POPDC1: variants seen among roughly 807,000 people sequenced by gnomAD.
POPDC1 encodes the protein popeye domain-containing protein 1.
the POPDC1 span, among the ~76,000 whole-genome samples, chr6:105,119,522 T>C: frequency 6.6e-6 from 1 of 152,142 alleles, no homozygotes; most frequent in Non-Finnish European, 1.5e-5. Flanking sequence ...GGTGGGTGCA[T>C]AAATGGAAGG....
At chr6:105,105,216 T>C in the POPDC1 span, among the ~76,000 whole-genome samples, 4 of 152,168 alleles carry the variant, frequency 2.6e-5, no homozygotes, top group Admixed American at 6.5e-5. Context: ...CAACATTGCC[T>C]TGTTGCTCTT....
chr6:105,117,430 T>C, the POPDC1 span, among the ~76,000 whole-genome samples: 4 of 152,224 alleles, frequency 2.6e-5, no homozygotes, highest in Non-Finnish European at 5.9e-5. Flanking sequence ...ATTTCAAGGT[T>C]AGATCCAGGG....
the POPDC1 span, among the ~76,000 whole-genome samples, chr6:105,101,925 T>C: frequency 4.6e-5 from 7 of 152,356 alleles, no homozygotes; most frequent in Non-Finnish European, 7.3e-5. Context: ...ATCTACCATA[T>C]AATGGATACC....
At chr6:105,117,471 C>A in the POPDC1 span, among the ~76,000 whole-genome samples, 1 of 152,138 alleles carries the variant, frequency 6.6e-6, no homozygotes, top group Non-Finnish European at 1.5e-5. Flanking sequence ...CAGACATCCC[C>A]AAATTAGCTC....
the POPDC1 span, among the ~76,000 whole-genome samples, chr6:105,135,894 AG>A: frequency 1.3e-5 from 2 of 152,208 alleles, no homozygotes; most frequent in African/African-American, 4.8e-5. Flanking sequence ...GGAAAGAGAA[AG>A]GTTAGACTGC....
the POPDC1 span, chr6:105,116,824 T>C: frequency 6.2e-7 from 1 of 1,612,278 alleles, no homozygotes; most frequent in Non-Finnish European, 8.5e-7. Context: ...ATCTTTCTCT[T>C]GACCAGCATA....
the POPDC1 span, chr6:105,125,521 C>G: frequency 1.9e-6 from 3 of 1,614,128 alleles, no homozygotes; most frequent in Non-Finnish European, 2.5e-6. Context: ...TCTGGAGGCA[C>G]ACGGAGTGGT....
chr6:105,127,853 T>A, the POPDC1 span, among the ~76,000 whole-genome samples: 1 of 151,972 alleles, frequency 6.6e-6, no homozygotes. Context: ...CTCCGCCTCC[T>A]GGGTTCAAGC....
At chr6:105,116,167 C>T in the POPDC1 span, among the ~76,000 whole-genome samples, 3 of 152,066 alleles carry the variant, frequency 2.0e-5, no homozygotes, top group East Asian at 1.9e-4. Context: ...ATCACAGAAA[C>T]GACGTTTTTA....
chr6:105,122,728 G>A, the POPDC1 span, among the ~76,000 whole-genome samples: 7 of 152,244 alleles, frequency 4.6e-5, no homozygotes, highest in East Asian at 1.4e-3. Context: ...AAGAAGATGC[G>A]GCCCTGCACG....
chr6:105,124,705 G>T, the POPDC1 span: 1 of 1,297,500 alleles, frequency 7.7e-7, no homozygotes, highest in Non-Finnish European at 1.1e-6. Flanking sequence ...CAAATACCAT[G>T]ATAATCCTTA....
the POPDC1 span, among the ~76,000 whole-genome samples, chr6:105,108,556 AT>A: frequency 6.6e-6 from 1 of 152,236 alleles, no homozygotes; most frequent in African/African-American, 2.4e-5. Context: ...TCCCAGGGAT[AT>A]GGTGAATAAG....
At chr6:105,117,017 A>C in the POPDC1 span, 1 of 785,416 alleles carries the variant, frequency 1.3e-6, no homozygotes, top group Non-Finnish European at 2.0e-6. Flanking sequence ...CAATGCACAC[A>C]AGCTTCTACA....
chr6:105,124,567 G>A, the POPDC1 span: 1 of 1,607,584 alleles, frequency 6.2e-7, no homozygotes, highest in Non-Finnish European at 8.5e-7. Flanking sequence ...TCACCTTTGT[G>A]CATCTGAGTT....
the POPDC1 span, chr6:105,099,991 C>T: frequency 1.3e-5 from 2 of 152,196 alleles, no homozygotes; most frequent in South Asian, 2.1e-4. Flanking sequence ...AGGTTAACCC[C>T]GTGCTCAGAA....
the POPDC1 span, among the ~76,000 whole-genome samples, chr6:105,103,965 CAGA>C: frequency 0.012 from 1,759 of 152,252 alleles, 13 homozygotes; most frequent in Middle Eastern, 0.045. Flanking sequence ...TTTGCTGGGG[CAGA>C]AGAAGAGCTA....
At chr6:105,111,134 T>G in the POPDC1 span, among the ~76,000 whole-genome samples, 2 of 152,232 alleles carry the variant, frequency 1.3e-5, no homozygotes, top group African/African-American at 4.8e-5. Context: ...ACAAGCTTTT[T>G]CAAAGATGAG....
At chr6:105,125,530 G>A in the POPDC1 span, 1 of 1,614,094 alleles carries the variant, frequency 6.2e-7, no homozygotes, top group East Asian at 2.2e-5. Context: ...ACACGGAGTG[G>A]TTCAAACAAT....
the POPDC1 span, chr6:105,115,690 A>G: frequency 6.2e-7 from 1 of 1,614,084 alleles, no homozygotes; most frequent in Non-Finnish European, 8.5e-7. Context: ...ACTTACGAAG[A>G]GAGGACATGC....
Sources: gnomAD v4.1 joint callset for allele counts (sites outside exome capture counted in the v4.1 genomes callset) on GRCh38, gnomAD v4.1.1 for gene constraint, MANE v1.5 for transcripts, NCBI Gene and HGNC (gene_info 2026-07-23, HGNC 2026-07-21) for gene names.